The following STXBP5L variants were observed in gnomAD, a reference collection of about 807,000 sequenced individuals.
STXBP5L encodes the protein syntaxin binding protein 5L, also known as syntaxin-binding protein 5-like.
A neutral mutation model predicts 144.5 loss-of-function variants in STXBP5L; 65 were observed. That is an observed-to-expected ratio of 0.45 (90% CI 0.37 to 0.55). The LOEUF is 0.55. Ranked by LOEUF, STXBP5L falls within the 20% of genes least tolerant of loss-of-function variation. The pLI, the probability that STXBP5L is intolerant of heterozygous loss-of-function variation, is 0.00. For missense variants in STXBP5L, 1,298 were observed against 1,405.5 expected (o/e 0.92, Z 1.22); for synonymous variants, 505 against 469.6 (o/e 1.08, Z -0.97).
At chr3:121,352,504 GA>G (rs1475426554) in intron 20 of STXBP5L, among the ~76,000 whole-genome samples, 1 of 152,018 alleles carries the variant, frequency 6.6e-6, no homozygotes, top group Non-Finnish European at 1.5e-5. Context: ...TGCTGTATAG[GA>G]ATGATTGTGA....
intron 22 of STXBP5L, among the ~76,000 whole-genome samples, chr3:121,394,156 T>C (rs1576346804): frequency 1.3e-5 from 2 of 152,202 alleles, no homozygotes; most frequent in African/African-American, 4.8e-5. Flanking sequence ...TTGATTAATG[T>C]ATTCCTAGGT....
intron 3 of STXBP5L, among the ~76,000 whole-genome samples, chr3:121,005,499 C>G (rs549481072): frequency 3.8e-4 from 58 of 152,250 alleles, no homozygotes; most frequent in African/African-American, 1.1e-3. Context: ...TTTCACAAAA[C>G]CAGCTCCTGG....
intron 3 of STXBP5L, among the ~76,000 whole-genome samples, chr3:121,018,026 C>T (rs969777349): frequency 2.6e-5 from 4 of 152,180 alleles, no homozygotes; most frequent in Non-Finnish European, 5.9e-5. Flanking sequence ...TTGCAGTGAG[C>T]CACGATCACG....
At chr3:121,378,638 T>A in intron 20 of STXBP5L, 78 bp from the exon 21 acceptor site, 1 of 1,395,976 alleles carries the variant, frequency 7.2e-7, no homozygotes. Context: ...CATCTTCATT[T>A]GTTAATCTAC....
At chr3:121,320,004 C>A (rs1344627058) in intron 20 of STXBP5L, among the ~76,000 whole-genome samples, 1 of 152,116 alleles carries the variant, frequency 6.6e-6, no homozygotes, top group African/African-American at 2.4e-5. Context: ...ATCATTATAG[C>A]TGTTCTACCT....
intron 15 of STXBP5L, among the ~76,000 whole-genome samples, chr3:121,254,481 C>A (rs527800578): frequency 3.9e-5 from 6 of 152,160 alleles, no homozygotes; most frequent in African/African-American, 1.2e-4. Context: ...CCATCAACCT[C>A]TCACCTAACA....
chr3:121,059,766 G>A (rs1201785908), intron 5 of STXBP5L, among the ~76,000 whole-genome samples: 1 of 150,478 alleles, frequency 6.6e-6, no homozygotes, highest in Non-Finnish European at 1.5e-5. Flanking sequence ...TCATGATTTG[G>A]CTGTTTGTCT....
At chr3:121,003,081 T>C (rs1451507706) in intron 3 of STXBP5L, among the ~76,000 whole-genome samples, 10 of 152,208 alleles carry the variant, frequency 6.6e-5, no homozygotes, top group Non-Finnish European at 1.5e-4. Context: ...AGTAATGGGA[T>C]GGCTGGGTCA....
Position 121,424,298 on chromosome 3 carries a change from T to C in STXBP5L, c.*5201T>C, listed in dbSNP as rs13095841. On this transcript the variant is annotated 3_prime_UTR_variant, in exon 27 of 27. Transcript: ENST00000471454. ...TATTTTCTTAGTCTTTGGACATGTG[T>C]TTAAAGGAAAAGAATACCTGTAACT... The C allele has an allele frequency of 0.6, 90,842 of 151,952 alleles. 28,084 individuals carry two copies. Among genetic ancestry groups the C allele is most frequent in the East Asian group, 0.89 (4,579 of 5,148 alleles). 9.4% of individuals were successfully genotyped at this position (151,952 alleles called of 1,614,324 possible). A position where few individuals can be genotyped will look rare whatever the true frequency, so the allele number is the denominator to read the frequency against.
rs72956063 is a variant in STXBP5L at position 121,111,573 on chromosome 3, C to T, written c.471-3352C>T. 2.5e-3 allele frequency among the ~76,000 whole-genome samples: 377 copies of T among 152,306 alleles called. 2 individuals are homozygous for T. Among genetic ancestry groups the T allele is most frequent in the African/African-American group, 8.5e-3 (354 of 41,570 alleles). ...GGTGTCACCAGTGGAGGCTGCAGAA[C>T]AGCAAGGATGACTGCCTGCTACTTT... On this transcript the variant is annotated intron_variant, in intron 5 of 26. Transcript: ENST00000471454.
At chr3:121,073,865 A>T (rs2041910450) in intron 5 of STXBP5L, among the ~76,000 whole-genome samples, 1 of 152,044 alleles carries the variant, frequency 6.6e-6, no homozygotes, top group African/African-American at 2.4e-5. Context: ...TTCTCTTTTC[A>T]CTCATGTCCA....
Position 121,240,449 on chromosome 3 carries a change from A to G in STXBP5L, c.1342A>G (p.Ile448Val). Residue 448 changes from isoleucine (I) to valine (V), a missense_variant, in exon 14 of 27, where the codon ATC (isoleucine) becomes GTC (valine). Physicochemically the swap from Ile to Val is conservative, Grantham distance 29. Transcript: ENST00000471454. The stretch of plus-strand genomic sequence containing the variant: ...TGGATAATCTGTTTAGGAGTGGCCA[A>G]TCAGTGGAGGAGCTTGGAACCTTGG... ...KQGYSNKEWP[I>V]SGGAWNLGAQ... The G allele has an allele frequency of 6.2e-7, 1 of 1,613,484 alleles. No individual in the cohort carries two copies.
chr3:121,264,381 G>C (rs2050484176), intron 18 of STXBP5L, among the ~76,000 whole-genome samples: 1 of 152,072 alleles, frequency 6.6e-6, no homozygotes, highest in South Asian at 2.1e-4. Context: ...AAATACAATG[G>C]TGACATCAGC....
chr3:121,142,020 A>G (rs1313766576), intron 7 of STXBP5L, among the ~76,000 whole-genome samples: 2 of 152,098 alleles, frequency 1.3e-5, no homozygotes, highest in African/African-American at 4.8e-5. Context: ...TGTCTACAGT[A>G]AACTCCCTTT....
intron 3 of STXBP5L, among the ~76,000 whole-genome samples, chr3:121,018,553 A>G (rs979670458): frequency 1.3e-5 from 2 of 150,646 alleles, no homozygotes; most frequent in South Asian, 2.1e-4. Flanking sequence ...AAATGCAGAC[A>G]CAGTCCTTAC....
chr3:121,000,521 A>T (rs144009581), intron 3 of STXBP5L, among the ~76,000 whole-genome samples: 95 of 151,990 alleles, frequency 6.3e-4, no homozygotes, highest in African/African-American at 2.2e-3. Context: ...GTTTTACTGG[A>T]TTTCTTAGAT....
chr3:121,280,577 T>G (rs2051025646), intron 19 of STXBP5L, among the ~76,000 whole-genome samples: 2 of 151,946 alleles, frequency 1.3e-5, no homozygotes, highest in South Asian at 4.1e-4. Flanking sequence ...AATTAGGATT[T>G]AATGCCAAAC....
chr3:121,100,595 A>C (rs564020098), intron 5 of STXBP5L, among the ~76,000 whole-genome samples: 1 of 152,266 alleles, frequency 6.6e-6, no homozygotes, highest in Non-Finnish European at 1.5e-5. Flanking sequence ...CAACAAAAGC[A>C]ATGTTAAGAG....
chr3:121,235,301 A>C (rs2049440608), intron 12 of STXBP5L, among the ~76,000 whole-genome samples: 1 of 151,982 alleles, frequency 6.6e-6, no homozygotes, highest in African/African-American at 2.4e-5. Context: ...GTAACTTTGG[A>C]ATCTCTTTCA....
Sources: allele counts gnomAD v4.1 joint callset (sites outside exome capture counted in the v4.1 genomes callset), GRCh38; gene constraint gnomAD v4.1.1; transcripts MANE v1.5; gene names NCBI Gene and HGNC (gene_info 2026-07-23, HGNC 2026-07-21).